The following RYR2 variants were observed in gnomAD, a reference collection of about 807,000 sequenced individuals.
The protein encoded by RYR2 is cardiac muscle ryanodine receptor-calcium release channel.
Under a neutral mutation model 601.1 loss-of-function variants are expected in RYR2, and 227 were observed. That is an observed-to-expected ratio of 0.38 (90% CI 0.34 to 0.42). The LOEUF is 0.42. Among genes scored for constraint, RYR2 ranks in the 10% least tolerant of loss-of-function variants. The pLI is 1.00. For synonymous variants in RYR2, 2,223 were observed against 2,175.1 expected, an observed-to-expected ratio of 1.02 and a Z score of -0.61; for missense variants, 4,646 against 6,156.5, an observed-to-expected ratio of 0.75 and a Z score of 8.21.
At chr1:237,690,043 G>A (rs184767337) in intron 63 of RYR2, among the ~76,000 whole-genome samples, 296 of 152,174 alleles carry the variant, frequency 1.9e-3, no homozygotes, top group African/African-American at 6.8e-3. Flanking sequence ...CACCATGTTG[G>A]CCAGGCTGGT....
chr1:237,217,870 T>G lies in RYR2; in HGVS notation c.49-52627T>G, dbSNP rs112639077. On this transcript the variant is annotated intron_variant, in intron 1 of 104. Coordinates refer to ENST00000366574, the MANE Select transcript of RYR2 (RefSeq NM_001035.3). ...GCAGACGCAAGCTTTGCTGTATTTG[T>G]TTTGCTCGAAGGGCTTACTGCTGTG... Among the ~76,000 whole-genome samples the G allele has an allele frequency of 7.4e-3, 1,126 of 152,302 alleles. 9 individuals carry two copies. Among genetic ancestry groups the G allele is most frequent in the Non-Finnish European group, 0.014 (950 of 68,030 alleles).
At chr1:237,811,357 A>T (rs1281806067) in intron 100 of RYR2, among the ~76,000 whole-genome samples, 1 of 152,186 alleles carries the variant, frequency 6.6e-6, no homozygotes, top group Non-Finnish European at 1.5e-5. Context: ...ATTTGTGTAA[A>T]GAAGTTTTTC....
At chr1:237,647,018 GAGCT>G (rs1558134856) in intron 48 of RYR2, among the ~76,000 whole-genome samples, 1 of 152,214 alleles carries the variant, frequency 6.6e-6, no homozygotes, top group Non-Finnish European at 1.5e-5. Flanking sequence ...CAGGATCGGT[GAGCT>G]TCTCCCTTTT....
intron 1 of RYR2, among the ~76,000 whole-genome samples, chr1:237,155,832 A>T (rs1440084091): frequency 6.6e-6 from 1 of 152,204 alleles, no homozygotes; most frequent in Non-Finnish European, 1.5e-5. Flanking sequence ...TCACCATGGC[A>T]TTGAGGAAGG....
chr1:237,582,401 T>C (rs908279091), intron 29 of RYR2, among the ~76,000 whole-genome samples: 1 of 151,252 alleles, frequency 6.6e-6, no homozygotes, highest in Non-Finnish European at 1.5e-5. Flanking sequence ...TGAGCCATTG[T>C]GCCTGGCTAG....
intron 4 of RYR2, among the ~76,000 whole-genome samples, chr1:237,357,531 T>TA (rs1699407517): frequency 6.6e-6 from 1 of 152,252 alleles, no homozygotes; most frequent in Non-Finnish European, 1.5e-5. Context: ...CACCATTGTC[T>TA]AAAAGTCTTC....
At chr1:237,652,739 G>A (rs576703117) in intron 51 of RYR2, among the ~76,000 whole-genome samples, 23 of 152,014 alleles carry the variant, frequency 1.5e-4, no homozygotes, top group African/African-American at 4.6e-4. Context: ...TGGAAAATTC[G>A]TGAAAAAAGA....
intron 3 of RYR2, among the ~76,000 whole-genome samples, 179 bp downstream of exon 3, chr1:237,331,161 C>T (rs944516129): frequency 1.3e-5 from 2 of 152,120 alleles, no homozygotes; most frequent in African/African-American, 4.8e-5. Flanking sequence ...GTCTTGAAAA[C>T]TAAAAAAATA....
intron 81 of RYR2, 50 bp downstream of exon 81, chr1:237,756,437 C>T (rs376076672): frequency 1.8e-5 from 22 of 1,252,016 alleles, no homozygotes; most frequent in South Asian, 4.1e-5. Context: ...CAGATTTCCT[C>T]GTTGCTCTCA....
At chr1:237,269,852 A>G (rs533676681) in intron 1 of RYR2, among the ~76,000 whole-genome samples, 2 of 152,264 alleles carry the variant, frequency 1.3e-5, no homozygotes, top group East Asian at 1.9e-4. Context: ...TTCCCCATGT[A>G]CAGTTTCTTC....
At chr1:237,183,558 T>C (rs566800705) in intron 1 of RYR2, among the ~76,000 whole-genome samples, 1 of 152,294 alleles carries the variant, frequency 6.6e-6, no homozygotes, top group South Asian at 2.1e-4. Flanking sequence ...ATTGAAATGG[T>C]AATATGACGT....
At chr1:237,590,090 A>C (rs2805410) in intron 30 of RYR2, 89 bp downstream of exon 30, 1 of 1,196,006 alleles carries the variant, frequency 8.4e-7, no homozygotes, top group African/African-American at 1.5e-5. Flanking sequence ...GACAATTATT[A>C]TGACTTACTT....
intron 27 of RYR2, among the ~76,000 whole-genome samples, chr1:237,564,264 GTTTC>G (rs932997321): frequency 6.6e-6 from 1 of 152,006 alleles, no homozygotes; most frequent in Middle Eastern, 3.4e-3. Flanking sequence ...CTGAGAACGA[GTTTC>G]TTTCTTTCTT....
intron 2 of RYR2, among the ~76,000 whole-genome samples, chr1:237,286,730 A>T (rs879426213): frequency 1.5e-4 from 22 of 151,678 alleles, no homozygotes; most frequent in Non-Finnish European, 2.6e-4. Context: ...AAGGCAGCAG[A>T]TGGCTGGTGA....
intron 12 of RYR2, among the ~76,000 whole-genome samples, chr1:237,432,348 T>C (rs1183387587): frequency 6.6e-6 from 1 of 152,122 alleles, no homozygotes; most frequent in African/African-American, 2.4e-5. Context: ...AGAAACAGAA[T>C]CAATAACAAC....
chr1:237,655,751 A>T, intron 52 of RYR2, 70 bp from the exon 53 acceptor site: 2 of 1,411,896 alleles, frequency 1.4e-6, no homozygotes, highest in South Asian at 2.7e-5. Flanking sequence ...ACCTTCTGTC[A>T]GCCCTGATGA....
chr1:237,216,288 A>G (rs1683145965), intron 1 of RYR2, among the ~76,000 whole-genome samples: 1 of 152,208 alleles, frequency 6.6e-6, no homozygotes, highest in African/African-American at 2.4e-5. Flanking sequence ...CAATAGTTAT[A>G]TTGAATTCAG....
At chr1:237,829,642 T>A (rs1663555289) in intron 102 of RYR2, among the ~76,000 whole-genome samples, 1 of 152,208 alleles carries the variant, frequency 6.6e-6, no homozygotes, top group African/African-American at 2.4e-5. Context: ...CAATGTGACC[T>A]ATCAGCTGTC....
intron 48 of RYR2, among the ~76,000 whole-genome samples, chr1:237,647,229 T>C (rs1264566020): frequency 2.0e-5 from 3 of 152,212 alleles, no homozygotes; most frequent in Non-Finnish European, 2.9e-5. Flanking sequence ...AATACAACTC[T>C]GTCAGTTACT....
Sources: allele counts gnomAD v4.1 joint callset (sites outside exome capture counted in the v4.1 genomes callset), GRCh38; gene constraint gnomAD v4.1.1; transcripts MANE v1.5; gene names NCBI Gene and HGNC (gene_info 2026-07-23, HGNC 2026-07-21).